The following TP63 variants were observed in gnomAD, a reference collection of about 807,000 sequenced individuals.
TP63 encodes tumor protein 63.
Under a neutral mutation model 82.8 loss-of-function variants are expected in TP63, and 17 were observed. That is an observed-to-expected ratio of 0.21 (90% CI 0.14 to 0.31). The LOEUF is 0.31. Among genes scored for constraint, TP63 ranks in the 10% least tolerant of loss-of-function variants. TP63 has a pLI of 1.00. For missense variants in TP63, 648 were observed against 895.3 expected, an observed-to-expected ratio of 0.72 and a Z score of 3.52; for synonymous variants, 330 against 321.7, an observed-to-expected ratio of 1.03 and a Z score of -0.28.
At chr3:189,856,947 C>A (rs2108778374) in intron 4 of TP63, among the ~76,000 whole-genome samples, 1 of 152,132 alleles carries the variant, frequency 6.6e-6, no homozygotes, top group Middle Eastern at 3.4e-3. Flanking sequence ...TATCAGTTCT[C>A]CCCTAAAAGA....
At chr3:189,814,239 T>G (rs896736717) in intron 4 of TP63, among the ~76,000 whole-genome samples, 2 of 152,212 alleles carry the variant, frequency 1.3e-5, no homozygotes, top group Non-Finnish European at 2.9e-5. Flanking sequence ...CCTCTGGAAT[T>G]TAGAGACTCT....
intron 5 of TP63, 30 bp from the exon 6 acceptor site, chr3:189,866,652 C>G: frequency 6.3e-7 from 1 of 1,588,976 alleles, no homozygotes; most frequent in Non-Finnish European, 8.6e-7. Flanking sequence ...AGGTAAAGAA[C>G]TAACTCTTTT....
chr3:189,790,029 G>A (rs1724978926), intron 3 of TP63, among the ~76,000 whole-genome samples: 2 of 150,790 alleles, frequency 1.3e-5, no homozygotes, highest in South Asian at 4.2e-4. Flanking sequence ...TTATTAAGTA[G>A]GAGATGAAAC....
intron 1 of TP63, among the ~76,000 whole-genome samples, chr3:189,719,821 G>A (rs575695845): frequency 6.6e-6 from 1 of 152,094 alleles, no homozygotes; most frequent in Non-Finnish European, 1.5e-5. Context: ...TTTTCTCTAT[G>A]AACTTTAAAA....
intron 4 of TP63, among the ~76,000 whole-genome samples, chr3:189,810,747 T>G (rs1033649739): frequency 6.7e-6 from 1 of 149,354 alleles, no homozygotes; most frequent in Non-Finnish European, 1.5e-5. Flanking sequence ...TCTCAGCTAC[T>G]GGGGAGACTG....
chr3:189,633,792 T>G (rs916511697), intron 1 of TP63, among the ~76,000 whole-genome samples: 1 of 152,050 alleles, frequency 6.6e-6, no homozygotes, highest in African/African-American at 2.4e-5. Context: ...GCAAAAACAT[T>G]AAGGTGATGA....
intron 10 of TP63, among the ~76,000 whole-genome samples, chr3:189,874,884 G>C (rs189979635): frequency 9.9e-5 from 15 of 151,530 alleles, no homozygotes; most frequent in Admixed American, 9.9e-4. Flanking sequence ...ATTTCCTCCT[G>C]TTCACTCTGA....
chr3:189,640,858 C>T (rs944974215), intron 1 of TP63, among the ~76,000 whole-genome samples: 2 of 152,118 alleles, frequency 1.3e-5, no homozygotes, highest in Non-Finnish European at 2.9e-5. Context: ...CAAGTCCAAG[C>T]TTTGCTTTGC....
intron 1 of TP63, among the ~76,000 whole-genome samples, chr3:189,734,193 CAG>C (rs1720400279): frequency 1.1e-5 from 1 of 90,794 alleles, no homozygotes; most frequent in Non-Finnish European, 2.0e-5. Flanking sequence ...TTTTTTGAGA[CAG>C]AATTTCACTC....
intron 3 of TP63, among the ~76,000 whole-genome samples, chr3:189,762,386 T>C (rs1722649423): frequency 6.6e-6 from 1 of 152,008 alleles, no homozygotes; most frequent in Admixed American, 6.6e-5. Flanking sequence ...ACTCCTCAGG[T>C]CCCTTAGATA....
chr3:189,758,242 C>T (rs997242236), intron 3 of TP63, among the ~76,000 whole-genome samples: 21 of 152,206 alleles, frequency 1.4e-4, no homozygotes, highest in African/African-American at 5.1e-4. Context: ...CTAATGCCCC[C>T]GCTGATCTGA....
intron 3 of TP63, among the ~76,000 whole-genome samples, chr3:189,770,118 T>C (rs893856463): frequency 6.6e-6 from 1 of 152,192 alleles, no homozygotes; most frequent in Non-Finnish European, 1.5e-5. Flanking sequence ...TGAACTAAAT[T>C]GTTAGTGCCT....
At chr3:189,861,506 A>G (rs576656545) in intron 4 of TP63, among the ~76,000 whole-genome samples, 1 of 152,126 alleles carries the variant, frequency 6.6e-6, no homozygotes, top group South Asian at 2.1e-4. Flanking sequence ...TCCTCAATAA[A>G]CCATGTTAAA....
chr3:189,701,342 A>T (rs1273422856), intron 1 of TP63, among the ~76,000 whole-genome samples: 15 of 152,010 alleles, frequency 9.9e-5, no homozygotes, highest in Non-Finnish European at 5.9e-5. Context: ...TCTGAGTATC[A>T]CAGTAAATGA....
At chr3:189,833,845 A>G (rs901227968) in intron 4 of TP63, among the ~76,000 whole-genome samples, 4 of 152,246 alleles carry the variant, frequency 2.6e-5, no homozygotes, top group African/African-American at 7.2e-5. Flanking sequence ...TTTTGCAGTT[A>G]AAAACGATTA....
At chr3:189,688,472 T>G (rs1475794703) in intron 1 of TP63, among the ~76,000 whole-genome samples, 1 of 152,172 alleles carries the variant, frequency 6.6e-6, no homozygotes, top group Non-Finnish European at 1.5e-5. Context: ...ACACTGAGCT[T>G]ATTCACTACA....
intron 3 of TP63, among the ~76,000 whole-genome samples, chr3:189,788,344 T>C (rs1724784179): frequency 6.6e-6 from 1 of 152,048 alleles, no homozygotes; most frequent in African/African-American, 2.4e-5. Flanking sequence ...CACGTCATCC[T>C]TTAAGTGCAT....
intron 1 of TP63, among the ~76,000 whole-genome samples, chr3:189,664,031 A>G (rs951741221): frequency 2.0e-5 from 3 of 152,156 alleles, no homozygotes; most frequent in African/African-American, 7.2e-5. Flanking sequence ...ATATCTAAAA[A>G]CATGGAGACT....
At chr3:189,773,421 A>C (rs1024841695) in intron 3 of TP63, among the ~76,000 whole-genome samples, 4 of 152,222 alleles carry the variant, frequency 2.6e-5, no homozygotes, top group African/African-American at 9.7e-5. Context: ...GTGTTTAATA[A>C]GGTGGATGGA....
Sources: gnomAD v4.1 joint callset for allele counts (sites outside exome capture counted in the v4.1 genomes callset) on GRCh38, gnomAD v4.1.1 for gene constraint, MANE v1.5 for transcripts, NCBI Gene and HGNC (gene_info 2026-07-23, HGNC 2026-07-21) for gene names.